The following DST variants were observed in gnomAD, a reference collection of about 807,000 sequenced individuals.
The protein encoded by DST is dystonin.
In DST, 253 loss-of-function variants were observed where a neutral mutation model predicts 875.2. The ratio of observed to expected loss-of-function variants is 0.29; its 90% confidence interval spans 0.26 to 0.32. The LOEUF is 0.32. Among genes scored for constraint, DST ranks in the 10% least tolerant of loss-of-function variants. The probability of loss-of-function intolerance (pLI) is 1.00; values close to 1 mark genes in which losing one functional copy is unlikely to be tolerated. For missense variants in DST, 8,287 were observed against 9,111.6 expected, an observed-to-expected ratio of 0.91 and a Z score of 3.68; for synonymous variants, 3,124 against 3,197.1, an observed-to-expected ratio of 0.98 and a Z score of 0.77.
intron 47 of DST, among the ~76,000 whole-genome samples, chr6:56,595,862 C>T (rs2098371422): frequency 6.7e-6 from 1 of 150,080 alleles, no homozygotes. Flanking sequence ...CAGATCCATC[C>T]CCTTCCTCCT....
chr6:56,719,009 T>C (rs569666059), intron 5 of DST, among the ~76,000 whole-genome samples: 3 of 152,276 alleles, frequency 2.0e-5, no homozygotes, highest in Admixed American at 2.0e-4. Flanking sequence ...TTACTAAAAA[T>C]TGTTCAATTA....
intron 9 of DST, among the ~76,000 whole-genome samples, chr6:56,691,115 A>G (rs913573943): frequency 6.6e-6 from 1 of 152,232 alleles, no homozygotes; most frequent in Non-Finnish European, 1.5e-5. Flanking sequence ...CTAAGGAAAC[A>G]GATTATAAAA....
intron 3 of DST, among the ~76,000 whole-genome samples, chr6:56,885,754 C>T (rs1301631589): frequency 2.6e-5 from 4 of 152,180 alleles, no homozygotes; most frequent in African/African-American, 9.7e-5. Context: ...AATACCAAAC[C>T]TGCTGATGCC....
chr6:56,725,847 T>A lies in DST; in HGVS notation c.687+9381A>T, dbSNP rs563580420. Among the ~76,000 whole-genome samples the A allele has an allele frequency of 1.6e-4, 25 of 152,276 alleles. No homozygotes were observed. In the South Asian group the frequency reaches 2.1e-3, roughly 13 times the overall value. On this transcript the variant is annotated intron_variant, in intron 5 of 103. Transcript: ENST00000680361. ...CCATATGTTAAGAACTCTATACATA[T>A]GCAGCAGCAAAAACTGACATATTAA...
chr6:56,843,733 TGG>T (rs2099803655), intron 4 of DST: 1 of 18,608 alleles, frequency 5.4e-5, no homozygotes, highest in Non-Finnish European at 9.8e-5. Flanking sequence ...GGGTGGAGAG[TGG>T]AGGGTGGAGG....
intron 103 of DST, among the ~76,000 whole-genome samples, 192 bp from the exon 104 acceptor site, chr6:56,459,459 T>C (rs770683363): frequency 3.3e-5 from 5 of 152,160 alleles, no homozygotes; most frequent in African/African-American, 7.2e-5. Context: ...AGACATAATA[T>C]AGAAAAGGCT....
chr6:56,771,306 C>T (rs547998383), intron 4 of DST, among the ~76,000 whole-genome samples: 16 of 152,142 alleles, frequency 1.1e-4, no homozygotes, highest in African/African-American at 3.9e-4. Flanking sequence ...TAACACAGGG[C>T]CCCCAATTTA....
chr6:56,471,391 G>A (rs1320742583), intron 94 of DST, 123 bp from the exon 95 acceptor site: 1 of 685,446 alleles, frequency 1.5e-6, no homozygotes, highest in Non-Finnish European at 2.3e-6. Context: ...TTCAAAAAGA[G>A]GTATGATCTT....
At chr6:56,781,154 A>G (rs1254713624) in intron 4 of DST, among the ~76,000 whole-genome samples, 1 of 152,186 alleles carries the variant, frequency 6.6e-6, no homozygotes, top group Non-Finnish European at 1.5e-5. Flanking sequence ...GAAGTCAGGT[A>G]GCGTGATGCC....
chr6:56,575,150 G>C (rs1461234641), intron 50 of DST, among the ~76,000 whole-genome samples: 1 of 152,064 alleles, frequency 6.6e-6, no homozygotes, highest in African/African-American at 2.4e-5. Context: ...ATCGGCAGAG[G>C]AAACAAGCAG....
At chr6:56,625,593 T>C (rs1348588916) in intron 34 of DST, among the ~76,000 whole-genome samples, 1 of 152,062 alleles carries the variant, frequency 6.6e-6, no homozygotes, top group African/African-American at 2.4e-5. Context: ...TAAACAAACT[T>C]ACTGTGCTGC....
At chr6:56,757,504 T>C (rs981796757) in intron 4 of DST, among the ~76,000 whole-genome samples, 5 of 152,170 alleles carry the variant, frequency 3.3e-5, no homozygotes, top group South Asian at 2.1e-4. Flanking sequence ...CTGTGAGCTG[T>C]GCTACATTTC....
chr6:56,640,708 A>C (rs1350126981), intron 17 of DST, 103 bp from the exon 18 acceptor site: 1 of 932,634 alleles, frequency 1.1e-6, no homozygotes, highest in Non-Finnish European at 1.7e-6. Context: ...TGATGTATCA[A>C]TGTTGGCTTA....
intron 83 of DST, 81 bp downstream of exon 83, chr6:56,493,929 A>G (rs2095833518): frequency 8.9e-7 from 1 of 1,126,886 alleles, no homozygotes; most frequent in Non-Finnish European, 1.2e-6. Flanking sequence ...TACTCCTGAT[A>G]GCTCTACTCA....
At chr6:56,463,003 T>G in intron 102 of DST, 43 bp downstream of exon 102, 1 of 1,159,248 alleles carries the variant, frequency 8.6e-7, no homozygotes. Context: ...ATAGCTTCAG[T>G]TAAAGGAGAA....
intron 4 of DST, among the ~76,000 whole-genome samples, chr6:56,778,703 G>T (rs1011371817): frequency 6.6e-6 from 1 of 151,760 alleles, no homozygotes; most frequent in African/African-American, 2.4e-5. Flanking sequence ...TCCCTACAAA[G>T]TACATTAACT....
intron 3 of DST, among the ~76,000 whole-genome samples, chr6:56,865,135 G>T (rs2127597695): frequency 6.6e-6 from 1 of 152,274 alleles, no homozygotes; most frequent in Middle Eastern, 3.4e-3. Flanking sequence ...CAGAGACAGA[G>T]ATTCAAGGAG....
chr6:56,793,228 G>T (rs576971728), intron 4 of DST, among the ~76,000 whole-genome samples: 85 of 152,110 alleles, frequency 5.6e-4, no homozygotes, highest in Middle Eastern at 3.4e-3. Context: ...ATGTTAGATG[G>T]TATCATAGAA....
At chr6:56,712,039 C>T (rs1009671611) in intron 5 of DST, among the ~76,000 whole-genome samples, 2 of 143,644 alleles carry the variant, frequency 1.4e-5, no homozygotes, top group African/African-American at 5.2e-5. Context: ...TGCAGTGAGC[C>T]GAGATCCCGC....
Sources: allele counts gnomAD v4.1 joint callset (sites outside exome capture counted in the v4.1 genomes callset), GRCh38; gene constraint gnomAD v4.1.1; transcripts MANE v1.5; gene names NCBI Gene and HGNC (gene_info 2026-07-23, HGNC 2026-07-21).